The following ABCD3 variants were observed in gnomAD, a reference collection of about 807,000 sequenced individuals.
ABCD3 encodes the protein ATP-binding cassette sub-family D member 3.
Under a neutral mutation model 105.5 loss-of-function variants are expected in ABCD3, and 41 were observed. The ratio of observed to expected loss-of-function variants is 0.39; its 90% CI spans 0.30 to 0.50. The LOEUF is 0.50. ABCD3 is among the 20% of genes least tolerant of loss of function. The pLI is 0.84. For missense variants in ABCD3, 622 were observed against 806.3 expected, an observed-to-expected ratio of 0.77 and a Z score of 2.77; for synonymous variants, 258 against 269.0, an observed-to-expected ratio of 0.96 and a Z score of 0.40.
chr1:94,485,363 T>C (rs911792642), intron 10 of ABCD3, among the ~76,000 whole-genome samples: 2 of 152,230 alleles, frequency 1.3e-5, no homozygotes, highest in African/African-American at 4.8e-5. Context: ...GTCTGAAGTT[T>C]GTGAAATTAA....
At chr1:94,395,809 G>A in the ABCD3 span, among the ~76,000 whole-genome samples, 2 of 152,066 alleles carry the variant, frequency 1.3e-5, no homozygotes, top group Non-Finnish European at 2.9e-5. Flanking sequence ...ACTACAGTGT[G>A]AGTGAGTGTG....
chr1:94,457,607 G>C (rs1647641342), intron 1 of ABCD3, among the ~76,000 whole-genome samples: 2 of 152,052 alleles, frequency 1.3e-5, no homozygotes, highest in Non-Finnish European at 2.9e-5. Flanking sequence ...CAGCTCTAGA[G>C]ACACTCCCCT....
chr1:94,492,459 A>G (rs1398151034), intron 16 of ABCD3, among the ~76,000 whole-genome samples: 1 of 152,196 alleles, frequency 6.6e-6, no homozygotes, highest in African/African-American at 2.4e-5. Context: ...TTATTCAACA[A>G]TGAGTATTCT....
intron 6 of ABCD3, 56 bp from the exon 7 acceptor site, chr1:94,475,558 T>C (rs184975545): frequency 2.6e-6 from 4 of 1,556,642 alleles, no homozygotes; most frequent in African/African-American, 1.4e-5. Context: ...TTTTTTGTTG[T>C]TGTTTTATCT....
chr1:94,425,690 ACCT>A (rs1220248552), intron 1 of ABCD3, among the ~76,000 whole-genome samples: 1 of 152,184 alleles, frequency 6.6e-6, no homozygotes, highest in Non-Finnish European at 1.5e-5. Flanking sequence ...TGACTTAATT[ACCT>A]ACTCATCATT....
chr1:94,490,169 GT>G (rs1442618656), intron 15 of ABCD3, among the ~76,000 whole-genome samples, 194 bp downstream of exon 15: 1 of 151,898 alleles, frequency 6.6e-6, no homozygotes, highest in African/African-American at 2.4e-5. Flanking sequence ...TGATATCTGT[GT>G]ATGTTGTGAA....
At chr1:94,402,732 A>T in the ABCD3 span, among the ~76,000 whole-genome samples, 1 of 152,102 alleles carries the variant, frequency 6.6e-6, no homozygotes, top group African/African-American at 2.4e-5. Flanking sequence ...TTAATCTGGA[A>T]CATTTCCATA....
At chr1:94,399,742 C>T in the ABCD3 span, among the ~76,000 whole-genome samples, 2 of 152,206 alleles carry the variant, frequency 1.3e-5, no homozygotes, top group Non-Finnish European at 2.9e-5. Context: ...CACAAACACA[C>T]ATCACTTCTG....
chr1:94,418,618 C>T (rs1297048937), intron 1 of ABCD3, 30 bp downstream of exon 1: 1 of 1,566,630 alleles, frequency 6.4e-7, no homozygotes, highest in Non-Finnish European at 8.6e-7. Flanking sequence ...TGCAGCTTTC[C>T]CGGGCTGGAG....
intron 1 of ABCD3, among the ~76,000 whole-genome samples, chr1:94,455,371 G>C (rs1014468052): frequency 6.6e-6 from 1 of 151,010 alleles, no homozygotes; most frequent in African/African-American, 2.4e-5. Flanking sequence ...TATTGCCCAG[G>C]CTGGAGTGCG....
At chr1:94,428,935 T>C (rs562504565) in intron 1 of ABCD3, among the ~76,000 whole-genome samples, 44 of 152,226 alleles carry the variant, frequency 2.9e-4, no homozygotes, top group African/African-American at 9.6e-4. Context: ...TTTGGATGGC[T>C]CAGAAGAAGA....
chr1:94,469,663 CTTTTTTTTTTT>C (rs5776221), intron 4 of ABCD3, among the ~76,000 whole-genome samples: 823 of 70,130 alleles, frequency 0.012, 20 homozygotes, highest in African/African-American at 0.036. Flanking sequence ...GTGTTCTTGC[CTTTTTTTTTTT>C]TTTTTTTTTG....
At chr1:94,507,230 AAT>A (rs1650409586) in intron 21 of ABCD3, among the ~76,000 whole-genome samples, 1 of 151,768 alleles carries the variant, frequency 6.6e-6, no homozygotes, top group Admixed American at 6.6e-5. Context: ...TATGAGTGAG[AAT>A]ATGCGGTGTT....
the ABCD3 span, among the ~76,000 whole-genome samples, chr1:94,395,862 A>G: frequency 6.6e-6 from 1 of 151,920 alleles, no homozygotes; most frequent in Non-Finnish European, 1.5e-5. Flanking sequence ...AGACAAAGAG[A>G]CACACAGAGA....
chr1:94,467,887 G>T, intron 3 of ABCD3, 32 bp from the exon 4 acceptor site: 1 of 1,473,792 alleles, frequency 6.8e-7, no homozygotes, highest in Non-Finnish European at 9.5e-7. Flanking sequence ...TAAAATGCAT[G>T]TATTTAATTT....
At chr1:94,438,169 C>G (rs1159043514) in intron 1 of ABCD3, among the ~76,000 whole-genome samples, 2 of 151,986 alleles carry the variant, frequency 1.3e-5, no homozygotes, top group African/African-American at 4.8e-5. Flanking sequence ...CGCCTGTAGT[C>G]CCAGCTACTT....
At chr1:94,498,238 T>A (rs1212920293) in intron 16 of ABCD3, among the ~76,000 whole-genome samples, 1 of 152,082 alleles carries the variant, frequency 6.6e-6, no homozygotes, top group Non-Finnish European at 1.5e-5. Context: ...CTTAATTTTT[T>A]ATTTTTATTT....
chr1:94,402,573 T>C, the ABCD3 span, among the ~76,000 whole-genome samples: 2 of 152,198 alleles, frequency 1.3e-5, no homozygotes, highest in Non-Finnish European at 2.9e-5. Context: ...AACATTGATA[T>C]AATACTCTAA....
chr1:94,491,076 A>C, intron 15 of ABCD3, 108 bp from the exon 16 acceptor site: 1 of 775,468 alleles, frequency 1.3e-6, no homozygotes, highest in South Asian at 1.6e-5. Context: ...AGAAGTGTTT[A>C]AGCTCTTTGC....
Sources: allele counts gnomAD v4.1 joint callset (sites outside exome capture counted in the v4.1 genomes callset), GRCh38; gene constraint gnomAD v4.1.1; transcripts MANE v1.5; gene names NCBI Gene and HGNC (gene_info 2026-07-23, HGNC 2026-07-21).